The following PRKCA variants were observed in gnomAD, a reference collection of about 807,000 sequenced individuals.
PRKCA encodes the protein protein kinase C alpha type.
A neutral mutation model predicts 87.0 loss-of-function variants in PRKCA; 27 were observed. The ratio of observed to expected loss-of-function variants is 0.31; its 90% CI spans 0.23 to 0.43. PRKCA has a LOEUF of 0.43. PRKCA is among the 20% of genes least tolerant of loss of function. The pLI is 1.00. For missense variants in PRKCA, 518 were observed against 852.3 expected, an observed-to-expected ratio of 0.61 and a Z score of 4.88; for synonymous variants, 329 against 311.1, an observed-to-expected ratio of 1.06 and a Z score of -0.61.
At chr17:66,555,483 C>A (rs1968466942) in intron 3 of PRKCA, among the ~76,000 whole-genome samples, 1 of 152,160 alleles carries the variant, frequency 6.6e-6, no homozygotes, top group East Asian at 1.9e-4. Context: ...TTCACTTGGG[C>A]ACCTTTGAAC....
At chr17:66,444,010 TGA>T (rs1433504468) in intron 2 of PRKCA, among the ~76,000 whole-genome samples, 1 of 152,198 alleles carries the variant, frequency 6.6e-6, no homozygotes, top group Non-Finnish European at 1.5e-5. Flanking sequence ...AGAAGGCTGT[TGA>T]GTCTTTTTCT....
intron 16 of PRKCA, among the ~76,000 whole-genome samples, chr17:66,800,309 C>T (rs1444322225): frequency 1.3e-5 from 2 of 152,252 alleles, no homozygotes; most frequent in African/African-American, 2.4e-5. Context: ...CACAGCAGCA[C>T]TCAGTGTGAC....
chr17:66,796,979 T>G, intron 16 of PRKCA: 23 of 985,352 alleles, frequency 2.3e-5, no homozygotes, highest in Non-Finnish European at 2.8e-5. Context: ...CCTCTTCTTC[T>G]GGGTTTTGTT....
At chr17:66,391,462 G>T (rs1179491278) in intron 2 of PRKCA, among the ~76,000 whole-genome samples, 4 of 152,054 alleles carry the variant, frequency 2.6e-5, no homozygotes, top group Non-Finnish European at 4.4e-5. Flanking sequence ...ATTGGCCAAG[G>T]GTCGGTAGGG....
In PRKCA at chr17:66,807,760, A is replaced by G. The variant is rs1568048878; in HGVS notation, c.*3723A>G. The G allele has an allele frequency of 6.6e-6, 1 of 152,244 alleles. No individual in the cohort carries two copies. Among genetic ancestry groups the G allele is most frequent in the African/African-American group, 2.4e-5 (1 of 41,456 alleles). 9.4% of individuals were successfully genotyped at this position (152,244 alleles called of 1,614,324 possible). On this transcript the variant is annotated 3_prime_UTR_variant, in exon 17 of 17. Coordinates refer to ENST00000413366, the MANE Select transcript of PRKCA (RefSeq NM_002737.3). The surrounding 1 kb of genome is among the most constrained non-coding windows in gnomAD (Gnocchi z 4.3). ...CCAAAGTCCTTAGGCGAGTGTGGTGACTTCCTGGAAGGAGGATGCAGACTT... is the reference window on the plus strand; with the variant it reads ...CCAAAGTCCTTAGGCGAGTGTGGTGGCTTCCTGGAAGGAGGATGCAGACTT...
At chr17:66,334,379 TA>T (rs1478171930) in intron 2 of PRKCA, among the ~76,000 whole-genome samples, 1 of 152,248 alleles carries the variant, frequency 6.6e-6, no homozygotes, top group Admixed American at 6.5e-5. Context: ...TGTGTGTGCT[TA>T]TTTTTTTTTC....
intron 3 of PRKCA, among the ~76,000 whole-genome samples, chr17:66,522,596 G>A (rs1287706864): frequency 6.6e-6 from 1 of 152,032 alleles, no homozygotes; most frequent in Non-Finnish European, 1.5e-5. Flanking sequence ...TTCTGTACTG[G>A]GGGTTCATGC....
intron 2 of PRKCA, among the ~76,000 whole-genome samples, chr17:66,316,427 T>G (rs1033262539): frequency 6.6e-6 from 1 of 152,212 alleles, no homozygotes. Flanking sequence ...AAAATAAGCT[T>G]GTTCAACCGG....
At chr17:66,474,437 A>G (rs572621300) in intron 2 of PRKCA, among the ~76,000 whole-genome samples, 2 of 152,196 alleles carry the variant, frequency 1.3e-5, no homozygotes, top group Non-Finnish European at 2.9e-5. Context: ...GAAGGCTGCT[A>G]TTGTTATGCA....
intron 3 of PRKCA, among the ~76,000 whole-genome samples, chr17:66,565,106 T>A (rs1231796455): frequency 2.0e-5 from 3 of 152,176 alleles, no homozygotes; most frequent in Non-Finnish European, 4.4e-5. Context: ...TGGATGTAAC[T>A]TTTGGCAGTT....
intron 3 of PRKCA, among the ~76,000 whole-genome samples, chr17:66,561,871 A>G (rs989292995): frequency 5.3e-5 from 8 of 151,856 alleles, no homozygotes; most frequent in African/African-American, 1.9e-4. Context: ...TGGCAAGTAT[A>G]ATGATGGCTG....
At chr17:66,558,132 C>T (rs1394329618) in intron 3 of PRKCA, among the ~76,000 whole-genome samples, 1 of 152,326 alleles carries the variant, frequency 6.6e-6, no homozygotes, top group African/African-American at 2.4e-5. Context: ...AGGGCCTTGC[C>T]CTCCTAGGCT....
chr17:66,338,443 G>T (rs989043054), intron 2 of PRKCA, among the ~76,000 whole-genome samples: 8 of 152,166 alleles, frequency 5.3e-5, no homozygotes, highest in Non-Finnish European at 1.2e-4. Flanking sequence ...AGAGGGGGAT[G>T]AGGAAAGGCT....
At chr17:66,407,220 C>T (rs35613291) in intron 2 of PRKCA, among the ~76,000 whole-genome samples, 8,154 of 151,860 alleles carry the variant, frequency 0.054, 325 homozygotes, top group Non-Finnish European at 0.078. Context: ...TCATGTGGAA[C>T]TGTGATCCGC....
chr17:66,794,617 G>T (rs28537782), intron 16 of PRKCA, among the ~76,000 whole-genome samples: 76,566 of 146,456 alleles, frequency 0.52, 22,119 homozygotes, highest in African/African-American at 0.78. Flanking sequence ...TTTGGGGGGG[G>T]TTTTTTGTTT....
At position 66,776,365 on chromosome 17, in the gene PRKCA, C is replaced by T. The variant is rs559226794; in HGVS notation, c.1605+2298C>T. On this transcript the variant is annotated intron_variant, in intron 14 of 16. Transcript: ENST00000413366. ...TTTGCTCTGTTGCCCAGGCTGGAGTCGGTGGCGCGATCTCAGCTCACTGCA... is the reference window on the plus strand; with the variant it reads ...TTTGCTCTGTTGCCCAGGCTGGAGTTGGTGGCGCGATCTCAGCTCACTGCA... Among the ~76,000 whole-genome samples the T allele has an allele frequency of 1.3e-4, 20 of 152,226 alleles. No homozygotes were observed. The East Asian group carries it at 1.7e-3, about 13-fold the overall frequency.
intron 3 of PRKCA, chr17:66,554,643 T>C: frequency 1.5e-6 from 1 of 647,948 alleles, no homozygotes; most frequent in Non-Finnish European, 1.9e-6. Flanking sequence ...AGCAAATAAA[T>C]TAAATCTATG....
In PRKCA at chr17:66,352,558, G is replaced by GTTTTTTTTTTTTTTT. The variant is rs56317931; in HGVS notation, c.205+46441_205+46455dup. On this transcript the variant is annotated intron_variant, in intron 2 of 16. Transcript: ENST00000413366. ...TCTTGAATTTGTGGTGTTTTTTGAG[G>GTTTTTTTTTTTTTTT]TTTTTTTTTTTTTTTTTTTTTTTTG... is the stretch of plus-strand genomic sequence containing the variant. Among the ~76,000 whole-genome samples the GTTTTTTTTTTTTTTT allele has an allele frequency of 4.8e-5, 4 of 83,758 alleles. 1 individual carries two copies. The highest frequency in any genetic ancestry group is 8.4e-5 in the Non-Finnish European group (4 of 47,692). 54.9% of individuals were successfully genotyped at this position (83,758 alleles called of 152,430 possible).
intron 5 of PRKCA, among the ~76,000 whole-genome samples, chr17:66,684,243 C>G (rs1972567786): frequency 2.0e-5 from 3 of 152,332 alleles, no homozygotes; most frequent in Admixed American, 2.0e-4. Context: ...CACCGAGTGC[C>G]TATCACTGCT....
Sources: gnomAD v4.1 joint callset for allele counts (sites outside exome capture counted in the v4.1 genomes callset) on GRCh38, gnomAD v4.1.1 for gene constraint, Gnocchi (gnomAD v3.1) non-coding constraint, MANE v1.5 for transcripts, NCBI Gene and HGNC (gene_info 2026-07-23, HGNC 2026-07-21) for gene names.